The following PAK3 variants were observed in gnomAD, a reference collection of about 807,000 sequenced individuals.
PAK3 encodes p21 (RAC1) activated kinase 3.
A neutral mutation model predicts 41.0 loss-of-function variants in PAK3; 4 were observed. The ratio of observed to expected loss-of-function variants is 0.10; its 90% CI spans 0.05 to 0.22. The LOEUF is 0.22. PAK3 is among the 10% of genes least tolerant of loss of function. The probability of loss-of-function intolerance (pLI) is 1.00; values close to 1 mark genes in which losing one functional copy is unlikely to be tolerated. For missense variants in PAK3, 205 were observed against 409.9 expected (o/e 0.50, Z 4.32); for synonymous variants, 146 against 139.6 (o/e 1.05, Z -0.32).
rs1211250626 is a variant in PAK3 at position 111,225,270 on chromosome X, C to G, written c.*4823C>G. 1 of 112,059 alleles carries G rather than the reference C, an allele frequency of 8.9e-6. No individual in the cohort carries two copies. The highest frequency in any genetic ancestry group is 3.2e-5 in the African/African-American group (1 of 30,813). 9.2% of individuals were successfully genotyped at this position (112,059 alleles called of 1,213,427 possible). A position where few individuals can be genotyped will look rare whatever the true frequency, so the allele number is the denominator to read the frequency against. ...TTTAAGTGACCAAATGAATATAACC[C>G]AACATGCATTGGGAATGTGTTTAAT... On this transcript the variant is annotated 3_prime_UTR_variant, in exon 18 of 18. Coordinates refer to ENST00000372007, the MANE Select transcript of PAK3 (RefSeq NM_002578.5).
chrX:110,969,940 T>A, intron 1 of PAK3, among the ~76,000 whole-genome samples: 1 of 112,237 alleles, frequency 8.9e-6, no homozygotes, highest in Middle Eastern at 4.7e-3. Context: ...TTTTACTATA[T>A]TGAGTTTTCT....
At chrX:111,122,981 C>CA (rs1392506537) in intron 4 of PAK3, 96 bp from the exon 5 acceptor site, 2 of 590,183 alleles carry the variant, frequency 3.4e-6, no homozygotes, top group African/African-American at 4.5e-5. Context: ...AACATGAGAG[C>CA]AATGCTTTTG....
Position 111,082,060 on chromosome X carries a change from C to T in PAK3, c.-27-41017C>T, listed in dbSNP as rs60333664. 9.2e-3 allele frequency among the ~76,000 whole-genome samples: 1,022 copies of T among 111,188 alleles called. 17 individuals are homozygous for T. The highest frequency in any genetic ancestry group is 0.031 in the African/African-American group (964 of 30,609). Reference sequence around the variant, plus strand: ...ATAAGACCATCACAATGAAAAATTACGAAGAAAATAAAATTAAAAAAAATG... The same window carrying T: ...ATAAGACCATCACAATGAAAAATTATGAAGAAAATAAAATTAAAAAAAATG... On this transcript the variant is annotated intron_variant, in intron 1 of 14. Transcript: ENST00000425146.
chrX:111,199,268 G>A (rs998779401), intron 16 of PAK3, among the ~76,000 whole-genome samples: 2 of 111,535 alleles, frequency 1.8e-5, no homozygotes, highest in Non-Finnish European at 3.8e-5. Flanking sequence ...TATCATCTGG[G>A]AAGAGAGATA....
At chrX:110,995,617 A>T (rs1467759441) in intron 1 of PAK3, among the ~76,000 whole-genome samples, 1 of 111,366 alleles carries the variant, frequency 9.0e-6, no homozygotes, top group East Asian at 2.8e-4. Flanking sequence ...ATCTTTAGAA[A>T]ATAAAAAATC....
At chrX:110,974,696 G>A (rs1334024208) in intron 1 of PAK3, among the ~76,000 whole-genome samples, 2 of 111,756 alleles carry the variant, frequency 1.8e-5, no homozygotes, top group Non-Finnish European at 3.8e-5. Context: ...ATGATCATTA[G>A]TGCGAAAATC....
At chrX:111,178,520 A>AT (rs1240756416) in intron 11 of PAK3, among the ~76,000 whole-genome samples, 8 of 112,040 alleles carry the variant, frequency 7.1e-5, no homozygotes, top group African/African-American at 2.6e-4. Context: ...GGTTGTAAAA[A>AT]TAAATAAGAG....
At chrX:111,167,659 G>A (rs2094276806) in intron 10 of PAK3, among the ~76,000 whole-genome samples, 1 of 106,458 alleles carries the variant, frequency 9.4e-6, no homozygotes, top group African/African-American at 3.4e-5. Context: ...TCACTCGTAA[G>A]TGGGAGTTGA....
chrX:111,133,240 AC>A (rs2093744000), intron 5 of PAK3, among the ~76,000 whole-genome samples: 1 of 111,289 alleles, frequency 9.0e-6, no homozygotes, highest in African/African-American at 3.3e-5. Flanking sequence ...TTCCTCATCA[AC>A]ATGCAATATG....
intron 11 of PAK3, among the ~76,000 whole-genome samples, chrX:111,186,795 T>A (rs1287812415): frequency 8.9e-6 from 1 of 112,119 alleles, no homozygotes; most frequent in Non-Finnish European, 1.9e-5. Context: ...TTATATTTCA[T>A]ATGGAACCAA....
At position 111,226,151 on chromosome X, in the gene PAK3, C is replaced by T. The variant is rs765760097; in HGVS notation, c.*5704C>T. The T allele has an allele frequency of 7.3e-5, 8 of 109,600 alleles. No individual in the cohort carries two copies. The highest frequency in any genetic ancestry group is 4.0e-4 in the South Asian group (1 of 2,494). The allele number at this position is 109,600 out of a possible 1,213,427, so 9.0% of individuals were successfully genotyped here. ...AGATCATGCCATTGCACTCCAGCCTCGGCAACAAGAGTGAAACTTCGTCTC... is the reference window on the plus strand; with the variant it reads ...AGATCATGCCATTGCACTCCAGCCTTGGCAACAAGAGTGAAACTTCGTCTC... On this transcript the variant is annotated 3_prime_UTR_variant, in exon 18 of 18. Coordinates refer to ENST00000372007, the MANE Select transcript of PAK3 (RefSeq NM_002578.5).
At chrX:111,134,787 T>A (rs2093765244) in intron 5 of PAK3, among the ~76,000 whole-genome samples, 1 of 110,790 alleles carries the variant, frequency 9.0e-6, no homozygotes, top group African/African-American at 3.3e-5. Flanking sequence ...AAGGAGTGAG[T>A]GGCATGCCAG....
chrX:110,954,320 T>C (rs2090807829), intron 1 of PAK3, among the ~76,000 whole-genome samples: 1 of 112,349 alleles, frequency 8.9e-6, no homozygotes, highest in Non-Finnish European at 1.9e-5. Flanking sequence ...GTGTGTCAGG[T>C]ATTGCACTGC....
intron 11 of PAK3, 45 bp downstream of exon 11, chrX:111,173,126 C>T (rs1603349516): frequency 1.6e-6 from 1 of 628,273 alleles, no homozygotes; most frequent in East Asian, 3.4e-5. Context: ...GTACAAGCAA[C>T]ATACATTAAA....
intron 1 of PAK3, among the ~76,000 whole-genome samples, chrX:110,958,134 G>A (rs2090904593): frequency 9.0e-6 from 1 of 111,665 alleles, no homozygotes; most frequent in Non-Finnish European, 1.9e-5. Flanking sequence ...TGCAGAGAGA[G>A]CAAATTGTAC....
rs371089925 is a variant in PAK3, at chrX:111,107,161, T to C, written c.-28+3855T>C. On this transcript the variant is annotated intron_variant, in intron 4 of 17. Coordinates refer to ENST00000372007, the MANE Select transcript of PAK3 (RefSeq NM_002578.5). The stretch of plus-strand genomic sequence containing the variant: ...CATGTCTCTGGTTTTATATTTATGA[T>C]CTGGAATTGCCTGCTGATTACACAC... Among the ~76,000 whole-genome samples the C allele has an allele frequency of 1.2e-4, 13 of 112,111 alleles. No homozygotes were observed. The East Asian group carries it at 3.7e-3, about 32-fold the overall frequency.
chrX:110,974,654 C>T (rs1026674508), intron 1 of PAK3, among the ~76,000 whole-genome samples: 1 of 111,055 alleles, frequency 9.0e-6, no homozygotes, highest in Non-Finnish European at 1.9e-5. Flanking sequence ...AGAGACACAA[C>T]AAAAAAAGAG....
chrX:110,955,275 A>T (rs927191567), intron 1 of PAK3, among the ~76,000 whole-genome samples: 1 of 112,052 alleles, frequency 8.9e-6, no homozygotes, highest in African/African-American at 3.2e-5. Context: ...TAGGGCATTG[A>T]GCAATTTAAC....
At chrX:111,118,355 A>G (rs890571181) in intron 4 of PAK3, among the ~76,000 whole-genome samples, 3 of 111,483 alleles carry the variant, frequency 2.7e-5, no homozygotes, top group African/African-American at 9.8e-5. Flanking sequence ...TCAGCTAGCC[A>G]TCTCGAAAAT....
Sources: gnomAD v4.1 joint callset for allele counts (sites outside exome capture counted in the v4.1 genomes callset) on GRCh38, gnomAD v4.1.1 for gene constraint, MANE v1.5 for transcripts, NCBI Gene and HGNC (gene_info 2026-07-23, HGNC 2026-07-21) for gene names.